The following ABCA4 variants were observed in gnomAD, a reference collection of about 807,000 sequenced individuals.
The protein encoded by ABCA4 is retinal-specific phospholipid-transporting ATPase ABCA4.
Under a neutral mutation model 263.7 loss-of-function variants are expected in ABCA4, and 196 were observed. That is an observed-to-expected ratio of 0.74 (90% CI 0.66 to 0.84). The LOEUF (loss-of-function observed/expected upper bound fraction) is 0.84. Among genes scored for constraint, ABCA4 ranks in the 40% least tolerant of loss-of-function variants. The probability of loss-of-function intolerance (pLI) is 0.00; values close to 1 mark genes in which losing one functional copy is unlikely to be tolerated. For missense variants in ABCA4, 2,792 were observed against 2,855.1 expected (o/e 0.98, Z 0.50); for synonymous variants, 1,133 against 1,094.2 (o/e 1.04, Z -0.70).
intron 24 of ABCA4, 44 bp from the exon 25 acceptor site, chr1:94,037,394 A>G (rs1452815553): frequency 1.3e-6 from 2 of 1,570,582 alleles, no homozygotes; most frequent in South Asian, 1.1e-5. Context: ...TTTTCCAGAA[A>G]CTGGAAGACT....
chr1:94,023,815 C>T (rs531326905), intron 31 of ABCA4, among the ~76,000 whole-genome samples: 2 of 152,290 alleles, frequency 1.3e-5, no homozygotes, highest in East Asian at 1.9e-4. Flanking sequence ...CTGCACACCT[C>T]GGGGGAGTTC....
chr1:94,056,466 A>T (rs1660980441), intron 15 of ABCA4, 135 bp downstream of exon 15: 1 of 943,160 alleles, frequency 1.1e-6, no homozygotes, highest in Admixed American at 2.0e-5. Context: ...TGTACATTTT[A>T]GCCTCACGTG....
Position 94,040,030 on chromosome 1 carries a change from G to A in ABCA4, c.3607+13C>T, listed in dbSNP as rs374630957. On this transcript the variant is annotated intron_variant, in intron 24 of 49. Coordinates refer to ENST00000370225, the MANE Select transcript of ABCA4 (RefSeq NM_000350.3). ...GCCAGACGGAACCCAAGTATGGCCCGTCCAGTCCTTACCATCCAGGACTTG... is the reference window on the plus strand; with the variant it reads ...GCCAGACGGAACCCAAGTATGGCCCATCCAGTCCTTACCATCCAGGACTTG... 363 of 1,589,626 alleles carry A rather than the reference G, an allele frequency of 2.3e-4. No individual in the cohort carries two copies. The highest frequency in any genetic ancestry group is 2.9e-4 in the Non-Finnish European group (333 of 1,165,634).
intron 6 of ABCA4, among the ~76,000 whole-genome samples, chr1:94,089,586 C>G (rs1661919689): frequency 1.3e-5 from 2 of 151,962 alleles, no homozygotes; most frequent in African/African-American, 4.8e-5. Flanking sequence ...GCTTCAGCCA[C>G]CCAAGTAGCT....
chr1:94,024,207 G>A (rs1659976048), intron 31 of ABCA4, among the ~76,000 whole-genome samples: 2 of 152,110 alleles, frequency 1.3e-5, no homozygotes, highest in Non-Finnish European at 2.9e-5. Flanking sequence ...TAGACAGGAG[G>A]TTTTATCTTA....
chr1:94,034,034 C>G (rs1660276406), intron 26 of ABCA4, among the ~76,000 whole-genome samples: 2 of 152,174 alleles, frequency 1.3e-5, no homozygotes, highest in Admixed American at 1.3e-4. Context: ...TCAGAATCGC[C>G]AGTTTGTCCC....
At chr1:94,007,819 G>A in intron 42 of ABCA4, 79 bp from the exon 43 acceptor site, 1 of 1,347,352 alleles carries the variant, frequency 7.4e-7, no homozygotes, top group Admixed American at 1.7e-5. Context: ...AAGTGTGTGT[G>A]TGAGCTGGGG....
intron 24 of ABCA4, among the ~76,000 whole-genome samples, chr1:94,039,650 A>G (rs1305292453): frequency 6.6e-6 from 1 of 152,164 alleles, no homozygotes; most frequent in African/African-American, 2.4e-5. Flanking sequence ...CTCTGACTCC[A>G]CGAATTCACT....
chr1:94,000,315 T>G (rs1659137786), intron 47 of ABCA4, among the ~76,000 whole-genome samples: 1 of 152,244 alleles, frequency 6.6e-6, no homozygotes, highest in Non-Finnish European at 1.5e-5. Flanking sequence ...TACAATAGTT[T>G]ACAATGTGTG....
chr1:94,042,098 C>CAAAAAAAAATAAAA (rs1660504512), intron 22 of ABCA4, among the ~76,000 whole-genome samples: 1 of 81,270 alleles, frequency 1.2e-5, no homozygotes, highest in South Asian at 4.4e-4. Flanking sequence ...GATTCTGTCT[C>CAAAAAAAAATAAAA]AAAAAAAAAA....
chr1:94,062,087 T>C (rs1661142969), intron 13 of ABCA4, among the ~76,000 whole-genome samples: 1 of 152,108 alleles, frequency 6.6e-6, no homozygotes, highest in Non-Finnish European at 1.5e-5. Context: ...CCTGAGCTCA[T>C]CCAACACATT....
chr1:94,001,651 G>T, intron 45 of ABCA4: 1 of 765,344 alleles, frequency 1.3e-6, no homozygotes, highest in Non-Finnish European at 2.2e-6. Context: ...GCAGTCCCAA[G>T]TCAAGGCTGT....
At chr1:94,077,247 G>A (rs769705748) in intron 11 of ABCA4, among the ~76,000 whole-genome samples, 71 of 152,170 alleles carry the variant, frequency 4.7e-4, no homozygotes, top group Non-Finnish European at 9.6e-4. Flanking sequence ...ATAGGAGAAG[G>A]ATATGTTCTA....
chr1:94,000,841 C>T lies in ABCA4; in HGVS notation c.6474G>A (p.Lys2158=). 2 of 1,614,206 alleles carry T rather than the reference C, an allele frequency of 1.2e-6. No homozygotes were observed. The highest frequency in any genetic ancestry group is 1.1e-5 in the South Asian group (1 of 91,080). ...FRCMGTIQHL[K]SKFGDGYIVT... Reference sequence around the variant, plus strand: ...ACGCCCCACCATCTGCTTACTTGGACTTGAGATGCTGAATGGTGCCCATAC... The same window carrying T: ...ACGCCCCACCATCTGCTTACTTGGATTTGAGATGCTGAATGGTGCCCATAC... Residue 2158 remains lysine, a synonymous_variant, in exon 47 of 50, where the codon AAG becomes AAA. Transcript: ENST00000370225.
Position 94,085,962 on chromosome 1 carries a change from C to T in ABCA4, c.769-2521G>A, listed in dbSNP as rs115927997. On this transcript the variant is annotated intron_variant, in intron 6 of 49. Coordinates refer to ENST00000370225, the MANE Select transcript of ABCA4 (RefSeq NM_000350.3). ...TTTCTATGCCTCTTGCTCACCCCTG[C>T]CCAGCCACGCTCTCTTTAGGAGTTC... Among the ~76,000 whole-genome samples the T allele has an allele frequency of 2.5e-3, 382 of 152,240 alleles. 2 individuals carry two copies. The highest frequency in any genetic ancestry group is 9.0e-3 in the African/African-American group (373 of 41,542).
rs370968720 is a variant in ABCA4, at chr1:94,077,916, C to T, written c.1357-29G>A. 4 of 1,595,232 alleles carry T rather than the reference C, an allele frequency of 2.5e-6. No homozygotes were observed. The African/African-American group carries it at 5.4e-5, about 21-fold the overall frequency. ...GGGAAGAAGAAATACAGTCACTGCTCTGCTTAGAAATTCCATAGGATCTTT... is the reference window on the plus strand; with the variant it reads ...GGGAAGAAGAAATACAGTCACTGCTTTGCTTAGAAATTCCATAGGATCTTT... On this transcript the variant is annotated intron_variant, in intron 10 of 49. Coordinates refer to ENST00000370225, the MANE Select transcript of ABCA4 (RefSeq NM_000350.3).
chr1:94,036,367 C>A (rs972295045), intron 26 of ABCA4, among the ~76,000 whole-genome samples: 2 of 150,182 alleles, frequency 1.3e-5, no homozygotes, highest in Non-Finnish European at 3.0e-5. Context: ...TGTTTCATGA[C>A]TTTTTCCTTA....
intron 43 of ABCA4, among the ~76,000 whole-genome samples, chr1:94,006,780 G>C (rs1161842350): frequency 4.6e-5 from 7 of 152,208 alleles, no homozygotes; most frequent in Non-Finnish European, 8.8e-5. Context: ...TTTCAGGAGA[G>C]AGGAAGAGGC....
intron 6 of ABCA4, among the ~76,000 whole-genome samples, chr1:94,098,231 T>A (rs1204298513): frequency 6.6e-6 from 1 of 152,176 alleles, no homozygotes; most frequent in African/African-American, 2.4e-5. Context: ...GCTTTCCAAA[T>A]TTTTGAGACT....
Sources: gnomAD v4.1 joint callset for allele counts (sites outside exome capture counted in the v4.1 genomes callset) on GRCh38, gnomAD v4.1.1 for gene constraint, MANE v1.5 for transcripts, NCBI Gene and HGNC (gene_info 2026-07-23, HGNC 2026-07-21) for gene names.